Variants in UBAP2 observed in about 807,000 individuals in gnomAD.
UBAP2 encodes the protein ubiquitin-associated protein 2.
Under a neutral mutation model 139.6 loss-of-function variants are expected in UBAP2, and 75 were observed. That is an observed-to-expected ratio of 0.54 (90% CI 0.45 to 0.65). UBAP2 has a LOEUF of 0.65. UBAP2 is among the 30% of genes least tolerant of loss of function. The pLI is 0.00. For synonymous variants in UBAP2, 526 were observed against 526.2 expected (o/e 1.00, Z 0.01); for missense variants, 1,368 against 1,369.6 (o/e 1.00, Z 0.02).
rs138049914 is a variant in UBAP2, at chr9:33,980,646, A to G, written c.520+6114T>C. Among the ~76,000 whole-genome samples, 974 of 152,216 alleles carry G rather than the reference A, an allele frequency of 6.4e-3. 11 individuals are homozygous for G. Among genetic ancestry groups the G allele is most frequent in the African/African-American group, 0.023 (935 of 41,528 alleles). On this transcript the variant is annotated intron_variant, in intron 6 of 28. Transcript: ENST00000379238. Reference sequence around the variant, plus strand: ...TGATATCTTTTTCTGCATAAAGCACATTCAAAACAAAGTTAAATGAAATAG... The same window carrying G: ...TGATATCTTTTTCTGCATAAAGCACGTTCAAAACAAAGTTAAATGAAATAG...
At chr9:33,956,435 C>T (rs1826573229) in intron 10 of UBAP2, among the ~76,000 whole-genome samples, 1 of 151,702 alleles carries the variant, frequency 6.6e-6, no homozygotes, top group African/African-American at 2.4e-5. Flanking sequence ...CATCTCGCCT[C>T]AGCCTCCTGA....
intron 2 of UBAP2, among the ~76,000 whole-genome samples, chr9:34,016,308 G>C (rs1824304995): frequency 4.3e-5 from 2 of 46,756 alleles, no homozygotes; most frequent in South Asian, 1.1e-3. Flanking sequence ...AGGAGGAAGA[G>C]GAGGAAGAGA....
At chr9:34,023,754 A>G (rs1000170935) in intron 1 of UBAP2, among the ~76,000 whole-genome samples, 5 of 152,224 alleles carry the variant, frequency 3.3e-5, no homozygotes, top group Non-Finnish European at 7.3e-5. Context: ...GCTTAAAAAT[A>G]GCAAATACAG....
At chr9:34,048,168 T>C (rs375724382) in intron 1 of UBAP2, among the ~76,000 whole-genome samples, 1 of 152,210 alleles carries the variant, frequency 6.6e-6, no homozygotes, top group South Asian at 2.1e-4. Flanking sequence ...AATAACATTT[T>C]GAGTATGTAT....
At chr9:34,029,911 C>T (rs1445686831) in intron 1 of UBAP2, among the ~76,000 whole-genome samples, 3 of 151,078 alleles carry the variant, frequency 2.0e-5, no homozygotes, top group Non-Finnish European at 2.9e-5. Flanking sequence ...TGCTTGAACC[C>T]GAGAGGCAGA....
intron 1 of UBAP2, among the ~76,000 whole-genome samples, chr9:34,044,789 CCGGTGGGCAGAGGTTG>C (rs1487316769): frequency 2.6e-5 from 4 of 151,860 alleles, no homozygotes; most frequent in African/African-American, 9.7e-5. Flanking sequence ...TCACTTGAAC[CCGGTGGGCAGAGGTTG>C]CAGTGGGCGA....
At chr9:33,966,807 T>C (rs1433908141) in intron 8 of UBAP2, among the ~76,000 whole-genome samples, 1 of 152,220 alleles carries the variant, frequency 6.6e-6, no homozygotes, top group Non-Finnish European at 1.5e-5. Context: ...GTTATAATTC[T>C]ATATGCATTT....
intron 1 of UBAP2, among the ~76,000 whole-genome samples, chr9:34,024,988 A>G (rs1855562702): frequency 2.0e-5 from 3 of 151,004 alleles, no homozygotes; most frequent in South Asian, 2.1e-4. Flanking sequence ...TGTCTCCCCA[A>G]AAAAAAAAAA....
At chr9:33,942,747 GA>G (rs1825346323) in intron 15 of UBAP2, among the ~76,000 whole-genome samples, 2 of 145,074 alleles carry the variant, frequency 1.4e-5, no homozygotes, top group Admixed American at 1.4e-4. Flanking sequence ...AAAAAGAAAA[GA>G]AAAGAAAACT....
intron 2 of UBAP2, among the ~76,000 whole-genome samples, chr9:34,011,326 T>G (rs1823734441): frequency 1.3e-5 from 2 of 152,296 alleles, no homozygotes; most frequent in African/African-American, 4.8e-5. Context: ...TTTTTCAGCT[T>G]AAGTATTATA....
At chr9:33,980,411 T>A (rs1248419579) in intron 6 of UBAP2, among the ~76,000 whole-genome samples, 10 of 91,794 alleles carry the variant, frequency 1.1e-4, no homozygotes, top group African/African-American at 4.4e-4. Flanking sequence ...TTTTTTTGTA[T>A]TTTTTTTTTT....
chr9:33,931,038 A>G (rs966890631), intron 19 of UBAP2, among the ~76,000 whole-genome samples: 2 of 152,164 alleles, frequency 1.3e-5, no homozygotes, highest in African/African-American at 4.8e-5. Context: ...AAAACTTTTC[A>G]TTGTCTATCT....
chr9:33,930,160 A>G (rs1400219752), intron 19 of UBAP2, among the ~76,000 whole-genome samples: 1 of 152,254 alleles, frequency 6.6e-6, no homozygotes, highest in East Asian at 1.9e-4. Context: ...GGAAATACAA[A>G]TGTTTAATAA....
rs910554372 is a variant in UBAP2 at position 33,969,736 on chromosome 9, G to A, written c.679+1915C>T. Reference sequence around the variant, plus strand: ...AAAAAGTTAGCCAGGCATAGTGCCGGACACCTGTAATTCCAGCTACTCAGG... The same window carrying A: ...AAAAAGTTAGCCAGGCATAGTGCCGAACACCTGTAATTCCAGCTACTCAGG... On this transcript the variant is annotated intron_variant, in intron 8 of 28. Coordinates refer to ENST00000379238, the MANE Select transcript of UBAP2 (RefSeq NM_001370062.2). Among the ~76,000 whole-genome samples the A allele has an allele frequency of 3.3e-5, 5 of 149,698 alleles. No individual in the cohort carries two copies. The South Asian group carries it at 6.3e-4, about 19-fold the overall frequency.
chr9:33,977,351 T>A (rs9408246), intron 6 of UBAP2, among the ~76,000 whole-genome samples: 4,693 of 152,126 alleles, frequency 0.031, 157 homozygotes, highest in East Asian at 0.088. Context: ...AAAAAATTTT[T>A]AAAAATTAAA....
At chr9:33,924,356 G>A in intron 22 of UBAP2, 72 bp from the exon 23 acceptor site, 1 of 1,462,722 alleles carries the variant, frequency 6.8e-7, no homozygotes, top group Non-Finnish European at 9.6e-7. Context: ...ACCAGCACAT[G>A]GAAGTGGTGA....
chr9:33,970,574 G>C (rs1267112667), intron 8 of UBAP2, among the ~76,000 whole-genome samples: 5 of 135,194 alleles, frequency 3.7e-5, no homozygotes, highest in Non-Finnish European at 7.9e-5. Flanking sequence ...GGGACCACAG[G>C]TGCACACCAC....
chr9:34,035,230 C>T (rs901643597), intron 1 of UBAP2, among the ~76,000 whole-genome samples: 7 of 151,732 alleles, frequency 4.6e-5, no homozygotes, highest in Non-Finnish European at 1.0e-4. Flanking sequence ...CGGCTAGGCG[C>T]GGTGGCTCAC....
chr9:33,973,130 G>A (rs1828034434), intron 7 of UBAP2, 53 bp downstream of exon 7: 3 of 1,547,920 alleles, frequency 1.9e-6, no homozygotes, highest in Non-Finnish European at 2.7e-6. Context: ...AGCAACTGCA[G>A]AATAAAAACT....
Sources: gnomAD v4.1 joint callset for allele counts (sites outside exome capture counted in the v4.1 genomes callset) on GRCh38, gnomAD v4.1.1 for gene constraint, MANE v1.5 for transcripts, NCBI Gene and HGNC (gene_info 2026-07-23, HGNC 2026-07-21) for gene names.